The following CFAP77 variants were observed in gnomAD, a reference collection of about 807,000 sequenced individuals.
The protein encoded by CFAP77 is cilia and flagella associated protein 77, also known as cilia- and flagella-associated protein 77.
A neutral mutation model predicts 31.1 loss-of-function variants in CFAP77; 25 were observed. The observed-to-expected ratio is 0.80, with a 90% confidence interval of 0.59 to 1.12. The LOEUF (loss-of-function observed/expected upper bound fraction) is 1.12, where lower values mean the gene tolerates loss of function less well. Ranked by LOEUF, CFAP77 falls within the 50% of genes most tolerant of loss-of-function variation. The pLI, the probability that CFAP77 is intolerant of heterozygous loss-of-function variation, is 0.00. For synonymous variants in CFAP77, 151 were observed against 159.9 expected (o/e 0.94, Z 0.42); for missense variants, 377 against 397.3 (o/e 0.95, Z 0.44).
chr9:132,471,446 C>A (rs1418573933), intron 1 of CFAP77, among the ~76,000 whole-genome samples: 1 of 151,772 alleles, frequency 6.6e-6, no homozygotes, highest in Non-Finnish European at 1.5e-5. Flanking sequence ...TTTAAGGACC[C>A]CCCCCCACCG....
chr9:132,449,898 T>TTTTG (rs372240867), intron 1 of CFAP77, among the ~76,000 whole-genome samples: 512 of 88,870 alleles, frequency 5.8e-3, no homozygotes, highest in Admixed American at 9.0e-3. Flanking sequence ...TTAAGAGTTT[T>TTTTG]TTTGTTTGTT....
At chr9:132,568,767 A>G (rs1391452645) in intron 5 of CFAP77, among the ~76,000 whole-genome samples, 1 of 151,988 alleles carries the variant, frequency 6.6e-6, no homozygotes, top group Non-Finnish European at 1.5e-5. Flanking sequence ...TGGCATGACA[A>G]TGGCTCATTG....
intron 1 of CFAP77, among the ~76,000 whole-genome samples, chr9:132,454,272 G>T (rs968562106): frequency 6.6e-6 from 1 of 152,048 alleles, no homozygotes; most frequent in Non-Finnish European, 1.5e-5. Context: ...TTTCAGGAGG[G>T]TTGTAACTCA....
rs1359435233 is a variant in CFAP77 at position 132,495,074 on chromosome 9, CTG to C, written c.196-3615_196-3614del. Among the ~76,000 whole-genome samples the C allele has an allele frequency of 6.6e-6, 1 of 152,174 alleles. No individual in the cohort carries two copies. Among genetic ancestry groups the C allele is most frequent in the Non-Finnish European group, 1.5e-5 (1 of 68,030 alleles). On this transcript the variant is annotated intron_variant, in intron 1 of 5. Coordinates refer to ENST00000393216, the MANE Select transcript of CFAP77 (RefSeq NM_001282957.2). This position sits in a 1 kb window ranked among gnomAD's most constrained non-coding sequence, Gnocchi z 4.2. ...GACAGTGAATTTCATAAGAGCAGGG[CTG>C]TGTGTCTGATCTGTTCACCCTAGAA... is the stretch of plus-strand genomic sequence containing the variant.
intron 1 of CFAP77, among the ~76,000 whole-genome samples, chr9:132,427,648 T>G (rs1212410001): frequency 6.6e-6 from 1 of 152,056 alleles, no homozygotes; most frequent in East Asian, 1.9e-4. Flanking sequence ...CAGATATTTA[T>G]TCCCTCAGAG....
At chr9:132,486,131 C>T (rs1296977177) in intron 1 of CFAP77, among the ~76,000 whole-genome samples, 3 of 110,466 alleles carry the variant, frequency 2.7e-5, no homozygotes, top group African/African-American at 1.2e-4. Flanking sequence ...CTTGTTCTGT[C>T]GCCCAGGCTG....
intron 5 of CFAP77, among the ~76,000 whole-genome samples, chr9:132,549,340 C>T (rs76534288): frequency 0.028 from 4,317 of 152,286 alleles, 81 homozygotes; most frequent in Middle Eastern, 0.088. Flanking sequence ...AGAATCCTGT[C>T]GCTTCCTTGC....
chr9:132,519,499 C>CAGGG (rs1554746981), intron 3 of CFAP77, among the ~76,000 whole-genome samples: 11 of 6,120 alleles, frequency 1.8e-3, no homozygotes, highest in African/African-American at 9.5e-3. Flanking sequence ...TGGGTGGATG[C>CAGGG]ATGGATGGGT....
intron 3 of CFAP77, among the ~76,000 whole-genome samples, chr9:132,504,391 C>A (rs1851900461): frequency 6.6e-6 from 1 of 152,180 alleles, no homozygotes; most frequent in Non-Finnish European, 1.5e-5. Context: ...GCTGTAAAAC[C>A]AAGTGGCCAC....
chr9:132,555,214 G>A (rs879709875), intron 5 of CFAP77, among the ~76,000 whole-genome samples: 13 of 151,998 alleles, frequency 8.6e-5, no homozygotes, highest in South Asian at 2.1e-4. Flanking sequence ...GCTTAGCCTC[G>A]TCAACCACAG....
At chr9:132,560,709 G>A (rs73659095) in intron 5 of CFAP77, among the ~76,000 whole-genome samples, 1,722 of 152,222 alleles carry the variant, frequency 0.011, 36 homozygotes, top group African/African-American at 0.04. Flanking sequence ...TCCTTGGGCC[G>A]GTGTCGTATC....
intron 1 of CFAP77, among the ~76,000 whole-genome samples, chr9:132,432,869 A>G (rs1264641376): frequency 6.8e-6 from 1 of 147,610 alleles, no homozygotes; most frequent in Non-Finnish European, 1.5e-5. Flanking sequence ...ACCCGCCACC[A>G]CGCCCAGCTA....
chr9:132,519,108 A>AC (rs1168159388), intron 3 of CFAP77, among the ~76,000 whole-genome samples: 1 of 148,042 alleles, frequency 6.8e-6, no homozygotes, highest in East Asian at 2.0e-4. Context: ...GCAGGGAGCC[A>AC]CCCCCATGTT....
chr9:132,436,631 AG>A (rs1850509318), intron 1 of CFAP77, among the ~76,000 whole-genome samples: 1 of 152,202 alleles, frequency 6.6e-6, no homozygotes, highest in African/African-American at 2.4e-5. Flanking sequence ...AAGAACAGTC[AG>A]GAAAAAAAAT....
At chr9:132,484,093 C>G (rs576781577) in intron 1 of CFAP77, among the ~76,000 whole-genome samples, 46 of 152,108 alleles carry the variant, frequency 3.0e-4, no homozygotes, top group Admixed American at 2.6e-3. Flanking sequence ...TCCACCACCA[C>G]ACCCGGCTAA....
At position 132,424,672 on chromosome 9, in the gene CFAP77, A is replaced by G. The variant is rs939812926; in HGVS notation, c.195+14206A>G. ...TCAAGGAGCCTTCACTTTGGGTGTC[A>G]CCACTTGAAAGTTTAAAGAAGAGAC... On this transcript the variant is annotated intron_variant, in intron 1 of 5. Coordinates refer to ENST00000393216, the MANE Select transcript of CFAP77 (RefSeq NM_001282957.2). The surrounding 1 kb of genome is among the most constrained non-coding windows in gnomAD (Gnocchi z 4.1). 1.3e-5 allele frequency among the ~76,000 whole-genome samples: 2 copies of G among 152,214 alleles called. No individual in the cohort carries two copies. Among genetic ancestry groups the G allele is most frequent in the African/African-American group, 4.8e-5 (2 of 41,464 alleles).
rs1194161680 is a variant in CFAP77 at position 132,424,677 on chromosome 9, T to C, written c.195+14211T>C. On this transcript the variant is annotated intron_variant, in intron 1 of 5. Transcript: ENST00000393216. This position sits in a 1 kb window ranked among gnomAD's most constrained non-coding sequence, Gnocchi z 4.1. ...GAGCCTTCACTTTGGGTGTCACCAC[T>C]TGAAAGTTTAAAGAAGAGACTCGGG... Among the ~76,000 whole-genome samples the C allele has an allele frequency of 6.6e-6, 1 of 152,162 alleles. No homozygotes were observed. Among genetic ancestry groups the C allele is most frequent in the African/African-American group, 2.4e-5 (1 of 41,438 alleles).
chr9:132,547,713 G>T (rs1044964211), intron 5 of CFAP77, among the ~76,000 whole-genome samples: 1 of 152,198 alleles, frequency 6.6e-6, no homozygotes, highest in Non-Finnish European at 1.5e-5. Flanking sequence ...CAGGTGCGCC[G>T]TGTCCACAGC....
At chr9:132,418,292 G>C (rs962415095) in intron 1 of CFAP77, among the ~76,000 whole-genome samples, 1 of 152,228 alleles carries the variant, frequency 6.6e-6, no homozygotes, top group Non-Finnish European at 1.5e-5. Context: ...AGAGGACAGA[G>C]ATGCTGCTCA....
Sources: gnomAD v4.1 joint callset for allele counts (sites outside exome capture counted in the v4.1 genomes callset) on GRCh38, gnomAD v4.1.1 for gene constraint, Gnocchi (gnomAD v3.1) non-coding constraint, MANE v1.5 for transcripts, NCBI Gene and HGNC (gene_info 2026-07-23, HGNC 2026-07-21) for gene names.